SLC30A7: variants seen among roughly 807,000 people sequenced by gnomAD.
The protein encoded by SLC30A7 is solute carrier family 30 member 7.
In SLC30A7, 35 loss-of-function variants were observed where a neutral mutation model predicts 46.0. The ratio of observed to expected loss-of-function variants is 0.76; its 90% CI spans 0.58 to 1.01. The LOEUF (loss-of-function observed/expected upper bound fraction) is 1.01, where lower values mean the gene tolerates loss of function less well. Ranked by LOEUF, SLC30A7 falls within the 50% of genes least tolerant of loss-of-function variation. The pLI, the probability that SLC30A7 is intolerant of heterozygous loss-of-function variation, is 0.00. For synonymous variants in SLC30A7, 147 were observed against 157.8 expected (o/e 0.93, Z 0.51); for missense variants, 464 against 451.1 (o/e 1.03, Z -0.26).
intron 9 of SLC30A7, among the ~76,000 whole-genome samples, chr1:100,962,123 T>TCAG (rs1655583489): frequency 6.6e-6 from 1 of 152,236 alleles, no homozygotes; most frequent in South Asian, 2.1e-4. Flanking sequence ...GTAGAAATTG[T>TCAG]TCTGATCTAG....
intron 8 of SLC30A7, among the ~76,000 whole-genome samples, chr1:100,955,631 C>T (rs1002062313): frequency 2.6e-5 from 4 of 152,140 alleles, no homozygotes; most frequent in Admixed American, 6.5e-5. Flanking sequence ...CTAAGCTTGT[C>T]GTTTTCTACA....
chr1:100,987,210 TTTTC>T, the SLC30A7 span, among the ~76,000 whole-genome samples: 6 of 152,210 alleles, frequency 3.9e-5, no homozygotes, highest in Middle Eastern at 3.2e-3. Flanking sequence ...TTAGTTATGA[TTTTC>T]TTTATTTATT....
At chr1:100,931,960 A>G (rs539818392) in intron 8 of SLC30A7, among the ~76,000 whole-genome samples, 2 of 152,146 alleles carry the variant, frequency 1.3e-5, no homozygotes, top group Admixed American at 1.3e-4. Context: ...TAACCCTACC[A>G]TTTTTGTTGT....
At chr1:100,911,797 C>G (rs1486870764) in intron 4 of SLC30A7, among the ~76,000 whole-genome samples, 2 of 152,110 alleles carry the variant, frequency 1.3e-5, no homozygotes, top group East Asian at 3.9e-4. Context: ...AGTGATCCGC[C>G]TGCCTCAGCC....
chr1:100,934,141 G>A (rs1653821311), intron 8 of SLC30A7, among the ~76,000 whole-genome samples: 1 of 152,132 alleles, frequency 6.6e-6, no homozygotes, highest in Non-Finnish European at 1.5e-5. Context: ...TGTAGTTCTG[G>A]CTTTGTGACA....
At chr1:100,965,363 C>T (rs1237310643) in intron 9 of SLC30A7, among the ~76,000 whole-genome samples, 2 of 152,312 alleles carry the variant, frequency 1.3e-5, no homozygotes, top group East Asian at 3.9e-4. Flanking sequence ...TTTTCCTGAT[C>T]TTCAGGGAAT....
intron 6 of SLC30A7, among the ~76,000 whole-genome samples, chr1:100,916,255 C>T (rs1046138563): frequency 1.3e-5 from 2 of 151,946 alleles, no homozygotes; most frequent in African/African-American, 2.4e-5. Flanking sequence ...GGTGCGATAT[C>T]GGCTCACTGC....
Position 100,896,090 on chromosome 1 carries a change from G to A in SLC30A7, c.-173G>A. 1.6e-6 allele frequency: 1 copy of A among 635,638 alleles called. No individual in the cohort carries two copies. The highest frequency in any genetic ancestry group is 2.8e-6 in the Non-Finnish European group (1 of 354,962). 39.4% of individuals were successfully genotyped at this position (635,638 alleles called of 1,614,324 possible). On this transcript the variant is annotated 5_prime_UTR_variant, in exon 1 of 11. Coordinates refer to ENST00000357650, the MANE Select transcript of SLC30A7 (RefSeq NM_133496.5). The stretch of plus-strand genomic sequence containing the variant: ...CAGGACGCGTTGCGCGGCCCGGGCC[G>A]GAAGTAAGCGAATTCCCGGGTGTGT...
At chr1:100,941,209 C>A in intron 8 of SLC30A7, 1 of 373,246 alleles carries the variant, frequency 2.7e-6, no homozygotes, top group Non-Finnish European at 5.2e-6. Context: ...TCAGCACCTC[C>A]AAATTTGCTT....
chr1:100,948,026 T>C (rs188041570), intron 8 of SLC30A7, among the ~76,000 whole-genome samples: 12 of 152,312 alleles, frequency 7.9e-5, no homozygotes, highest in Admixed American at 1.3e-4. Flanking sequence ...TGTCTTTTAA[T>C]TGGGGCATTT....
At chr1:100,950,227 T>G (rs1431417921) in intron 8 of SLC30A7, among the ~76,000 whole-genome samples, 3 of 152,248 alleles carry the variant, frequency 2.0e-5, no homozygotes, top group Admixed American at 6.5e-5. Flanking sequence ...ATTAATCCTT[T>G]GGAAACATGA....
intron 10 of SLC30A7, among the ~76,000 whole-genome samples, chr1:100,971,743 C>G (rs1570598873): frequency 6.6e-6 from 1 of 152,050 alleles, no homozygotes; most frequent in African/African-American, 2.4e-5. Flanking sequence ...TTTGCTAACT[C>G]TGAAATGATT....
intron 8 of SLC30A7, among the ~76,000 whole-genome samples, chr1:100,931,089 T>C (rs1387525980): frequency 1.3e-5 from 2 of 152,150 alleles, no homozygotes; most frequent in African/African-American, 4.8e-5. Flanking sequence ...GAGGGTTTTA[T>C]AATACTGGAA....
intron 8 of SLC30A7, among the ~76,000 whole-genome samples, chr1:100,927,293 C>A (rs1023951462): frequency 6.6e-6 from 1 of 151,758 alleles, no homozygotes; most frequent in African/African-American, 2.4e-5. Flanking sequence ...GCAGGTGCAA[C>A]CAAGAAGAGT....
chr1:100,995,169 TTC>T, the SLC30A7 span: 9 of 1,524,768 alleles, frequency 5.9e-6, no homozygotes, highest in Non-Finnish European at 8.2e-6. Flanking sequence ...GTAAAAATAG[TTC>T]TTTTAATTTA....
chr1:100,963,722 G>C (rs1221817015), intron 9 of SLC30A7, among the ~76,000 whole-genome samples: 1 of 152,178 alleles, frequency 6.6e-6, no homozygotes, highest in Non-Finnish European at 1.5e-5. Flanking sequence ...TGTGGCTAGT[G>C]TAACTGATTC....
intron 10 of SLC30A7, among the ~76,000 whole-genome samples, chr1:100,968,496 A>G (rs932127604): frequency 6.6e-6 from 1 of 152,128 alleles, no homozygotes; most frequent in Non-Finnish European, 1.5e-5. Flanking sequence ...CAAAGTAAAA[A>G]GTTGAAAAAT....
At chr1:100,925,151 G>A (rs1005361029) in intron 8 of SLC30A7, among the ~76,000 whole-genome samples, 10 of 152,340 alleles carry the variant, frequency 6.6e-5, no homozygotes, top group African/African-American at 1.9e-4. Flanking sequence ...TCTTATTGTC[G>A]TAAGAAAAGC....
At chr1:100,983,789 TTAGA>T (rs1373401053), downstream of SLC30A7, among the ~76,000 whole-genome samples, 1 of 152,238 alleles carries the variant, frequency 6.6e-6, no homozygotes, top group African/African-American at 2.4e-5. Context: ...GCAGGAGCAC[TTAGA>T]TAGCAATTAA....
Sources: gnomAD v4.1 joint callset for allele counts (sites outside exome capture counted in the v4.1 genomes callset) on GRCh38, gnomAD v4.1.1 for gene constraint, MANE v1.5 for transcripts, NCBI Gene and HGNC (gene_info 2026-07-23, HGNC 2026-07-21) for gene names.